NOL4: variants seen among roughly 807,000 people sequenced by gnomAD.
NOL4 encodes nucleolar protein 4.
Under a neutral mutation model 75.9 loss-of-function variants are expected in NOL4, and 17 were observed. The ratio of observed to expected loss-of-function variants is 0.22; its 90% CI spans 0.15 to 0.34. The LOEUF is 0.34. Ranked by LOEUF, NOL4 falls within the 10% of genes least tolerant of loss-of-function variation. The pLI is 1.00. For synonymous variants in NOL4, 292 were observed against 289.9 expected (o/e 1.01, Z -0.07); for missense variants, 614 against 793.5 (o/e 0.77, Z 2.72).
intron 10 of NOL4, among the ~76,000 whole-genome samples, chr18:33,863,850 T>A (rs1009322621): frequency 6.6e-6 from 1 of 152,094 alleles, no homozygotes; most frequent in Non-Finnish European, 1.5e-5. Context: ...GAGGGCTCCA[T>A]CCCTGCAGCA....
chr18:34,173,543 TTAAAA>T (rs1174853460), intron 1 of NOL4, among the ~76,000 whole-genome samples: 49 of 152,208 alleles, frequency 3.2e-4, no homozygotes, highest in African/African-American at 1.2e-3. Flanking sequence ...TGTTAATTAA[TTAAAA>T]TAAAATAATA....
chr18:34,053,295 A>G (rs956727277), intron 5 of NOL4, among the ~76,000 whole-genome samples: 3 of 151,866 alleles, frequency 2.0e-5, no homozygotes, highest in Admixed American at 6.6e-5. Context: ...CAAATGAGAC[A>G]AACAGAAAAC....
At chr18:33,865,783 G>A (rs2063403494) in intron 10 of NOL4, among the ~76,000 whole-genome samples, 1 of 152,094 alleles carries the variant, frequency 6.6e-6, no homozygotes. Flanking sequence ...TTTCAAACCA[G>A]TTAGGTCTAA....
At chr18:33,874,426 A>G (rs2063838122) in intron 10 of NOL4, among the ~76,000 whole-genome samples, 2 of 151,956 alleles carry the variant, frequency 1.3e-5, no homozygotes, top group South Asian at 4.1e-4. Context: ...AAGAGAACAT[A>G]CTTTAAGAAG....
intron 9 of NOL4, among the ~76,000 whole-genome samples, chr18:33,914,178 C>G (rs1402713672): frequency 1.3e-5 from 2 of 151,776 alleles, no homozygotes; most frequent in Non-Finnish European, 2.9e-5. Context: ...AATGGGATGG[C>G]CAGGAAAGAC....
chr18:33,978,708 T>C (rs756118515), intron 6 of NOL4, among the ~76,000 whole-genome samples: 45 of 152,090 alleles, frequency 3.0e-4, no homozygotes, highest in Non-Finnish European at 5.9e-4. Context: ...GCATAGTATT[T>C]GCATACTACC....
chr18:34,168,859 A>G (rs1315844773), intron 1 of NOL4, among the ~76,000 whole-genome samples: 1 of 151,920 alleles, frequency 6.6e-6, no homozygotes, highest in Non-Finnish European at 1.5e-5. Flanking sequence ...AGTTAAAAGT[A>G]GTGGATAAGG....
At chr18:33,882,060 T>A (rs944354437) in intron 10 of NOL4, among the ~76,000 whole-genome samples, 17 of 152,060 alleles carry the variant, frequency 1.1e-4, no homozygotes, top group Admixed American at 3.3e-4. Flanking sequence ...AAATTCAAGA[T>A]GGATTAAAGA....
chr18:34,035,620 GA>G (rs945811555), intron 5 of NOL4, among the ~76,000 whole-genome samples: 40 of 146,542 alleles, frequency 2.7e-4, no homozygotes, highest in African/African-American at 7.7e-4. Context: ...ACAGCAAAAG[GA>G]AAAAAAAATA....
At chr18:34,177,754 T>C (rs950814351) in intron 1 of NOL4, among the ~76,000 whole-genome samples, 2 of 151,834 alleles carry the variant, frequency 1.3e-5, no homozygotes, top group African/African-American at 4.8e-5. Flanking sequence ...TAGAATTCTA[T>C]ATCCAGAAAA....
At chr18:34,216,429 C>T (rs1726987285) in intron 1 of NOL4, among the ~76,000 whole-genome samples, 1 of 151,736 alleles carries the variant, frequency 6.6e-6, no homozygotes, top group African/African-American at 2.4e-5. Flanking sequence ...GTGCATGGAC[C>T]TACTTTAGGA....
intron 1 of NOL4, among the ~76,000 whole-genome samples, chr18:34,138,349 T>A (rs2080988276): frequency 6.6e-6 from 1 of 151,984 alleles, no homozygotes; most frequent in South Asian, 2.1e-4. Context: ...CTGCAGTGAG[T>A]CGTGATTGTG....
chr18:34,149,732 GCTA>G (rs1305756070), intron 1 of NOL4, among the ~76,000 whole-genome samples: 1 of 151,544 alleles, frequency 6.6e-6, no homozygotes, highest in Non-Finnish European at 1.5e-5. Flanking sequence ...TTTGGAGAAA[GCTA>G]CTATTTTATT....
At chr18:33,907,644 T>C (rs1393080864) in intron 9 of NOL4, among the ~76,000 whole-genome samples, 1 of 152,116 alleles carries the variant, frequency 6.6e-6, no homozygotes, top group Non-Finnish European at 1.5e-5. Flanking sequence ...CCTATTAATG[T>C]GGTGATGTTG....
At chr18:34,157,598 G>A (rs2030662620) in intron 1 of NOL4, among the ~76,000 whole-genome samples, 1 of 151,408 alleles carries the variant, frequency 6.6e-6, no homozygotes, top group African/African-American at 2.4e-5. Flanking sequence ...TGGATGAAAA[G>A]GCCCAGGAAA....
At chr18:33,929,132 C>T (rs1028874150) in intron 9 of NOL4, among the ~76,000 whole-genome samples, 9 of 152,016 alleles carry the variant, frequency 5.9e-5, no homozygotes, top group Non-Finnish European at 5.9e-5. Context: ...TCTTCTTTAC[C>T]ACTCCTCTCT....
intron 1 of NOL4, among the ~76,000 whole-genome samples, chr18:34,187,644 C>T (rs1294848231): frequency 6.6e-6 from 1 of 152,278 alleles, no homozygotes; most frequent in Middle Eastern, 3.4e-3. Flanking sequence ...GCCTCGGACT[C>T]CCAAAGTGCT....
chr18:34,111,532 T>C (rs962706662), intron 2 of NOL4, among the ~76,000 whole-genome samples: 3 of 152,096 alleles, frequency 2.0e-5, no homozygotes, highest in Non-Finnish European at 2.9e-5. Context: ...GAATGATTCC[T>C]TGTCAGACAC....
intron 5 of NOL4, among the ~76,000 whole-genome samples, chr18:34,082,372 A>G (rs2078049639): frequency 6.6e-6 from 1 of 152,110 alleles, no homozygotes; most frequent in African/African-American, 2.4e-5. Flanking sequence ...AGAAAAAGAA[A>G]AAAAAAAAGT....
Sources: gnomAD v4.1 joint callset for allele counts (sites outside exome capture counted in the v4.1 genomes callset) on GRCh38, gnomAD v4.1.1 for gene constraint, MANE v1.5 for transcripts, NCBI Gene and HGNC (gene_info 2026-07-23, HGNC 2026-07-21) for gene names.